Variants in CBFB observed in about 807,000 individuals in gnomAD.
CBFB encodes core-binding factor subunit beta, also known as CBF-beta.
CBFB carries 9 observed loss-of-function variants against 30.4 expected under a neutral mutation model. That is an observed-to-expected ratio of 0.30 (90% CI 0.18 to 0.52). CBFB has a LOEUF of 0.52. CBFB is among the 20% of genes least tolerant of loss of function. The pLI, the probability that CBFB is intolerant of heterozygous loss-of-function variation, is 0.97. For synonymous variants in CBFB, 94 were observed against 84.0 expected, an observed-to-expected ratio of 1.12 and a Z score of -0.65; for missense variants, 170 against 244.0, an observed-to-expected ratio of 0.70 and a Z score of 2.02.
rs761660569 is a variant in CBFB, at chr16:67,036,713, A to G, written c.240A>G (p.Thr80=). The stretch of plus-strand genomic sequence containing the variant: ...GCTGGCAGGGAGAACAGCGACAAAC[A>G]CCTAGCCGAGAGTATGTCGACTTAG... ...PASWQGEQRQ[T]PSREYVDLER... is the part of the protein sequence containing the mutation. The change falls in exon 3 of 6, where the codon ACA becomes ACG. Residue 80 remains threonine, a synonymous_variant. Transcript: ENST00000412916. 1 of 1,613,578 alleles carries G rather than the reference A, an allele frequency of 6.2e-7. No individual in the cohort carries two copies. Among genetic ancestry groups the G allele is most frequent in the Non-Finnish European group, 8.5e-7 (1 of 1,179,482 alleles).
intron 3 of CBFB, among the ~76,000 whole-genome samples, chr16:67,042,427 G>A (rs1370088230): frequency 6.6e-6 from 1 of 152,190 alleles, no homozygotes; most frequent in Non-Finnish European, 1.5e-5. Flanking sequence ...GGAATTACAG[G>A]CATGGGACAC....
intron 3 of CBFB, among the ~76,000 whole-genome samples, chr16:67,047,876 G>A (rs187785407): frequency 1.3e-5 from 2 of 152,108 alleles, no homozygotes; most frequent in Admixed American, 6.6e-5. Flanking sequence ...CAAGACTAGC[G>A]TGGCCAGCAT....
chr16:67,029,654 C>G (rs1009079133), intron 1 of CBFB, 73 bp from the exon 2 acceptor site: 1 of 1,423,588 alleles, frequency 7.0e-7, no homozygotes, highest in African/African-American at 1.5e-5. Context: ...CTTATCGGCG[C>G]TGCGCTGGGA....
rs773011669 is a variant in CBFB, at chr16:67,036,721, G to A, written c.248G>A (p.Arg83Gln). The A allele has an allele frequency of 6.8e-6, 11 of 1,612,342 alleles. No homozygotes were observed. Among genetic ancestry groups the A allele is most frequent in the African/African-American group, 2.7e-5 (2 of 74,886 alleles). The change falls in exon 3 of 6, where the codon CGA becomes CAA. Residue 83 changes from arginine (R) to glutamine (Q), a missense_variant. Coordinates refer to ENST00000412916, the MANE Select transcript of CBFB (RefSeq NM_022845.3). ...WQGEQRQTPSREYVDLEREAG... is the reference protein window; with the variant it reads ...WQGEQRQTPSQEYVDLEREAG... ...GGAGAACAGCGACAAACACCTAGCC[G>A]AGAGTATGTCGACTTAGAAAGAGAA...
At chr16:67,075,196 A>AT (rs1555538289) in intron 4 of CBFB, among the ~76,000 whole-genome samples, 4 of 42,174 alleles carry the variant, frequency 9.5e-5, no homozygotes, top group East Asian at 4.3e-4. Context: ...TCTCAAAAAA[A>AT]ATGTGTGTGT....
At chr16:67,043,556 A>G (rs1966569726) in intron 3 of CBFB, among the ~76,000 whole-genome samples, 1 of 152,218 alleles carries the variant, frequency 6.6e-6, no homozygotes, top group East Asian at 1.9e-4. Flanking sequence ...TGAGCTGTCT[A>G]CATTGGCTCT....
intron 3 of CBFB, among the ~76,000 whole-genome samples, chr16:67,047,831 G>A (rs1966655274): frequency 6.6e-6 from 1 of 152,120 alleles, no homozygotes; most frequent in Non-Finnish European, 1.5e-5. Flanking sequence ...TGCTCTGGAA[G>A]GCCAGGGCGG....
At chr16:67,047,147 TAA>T (rs765428177) in intron 3 of CBFB, among the ~76,000 whole-genome samples, 3 of 134,862 alleles carry the variant, frequency 2.2e-5, no homozygotes, top group Admixed American at 7.5e-5. Context: ...CCGTCTCTAC[TAA>T]AAAAAAAAAA....
intron 3 of CBFB, among the ~76,000 whole-genome samples, chr16:67,063,516 A>G (rs1196427420): frequency 6.6e-6 from 1 of 152,156 alleles, no homozygotes; most frequent in Non-Finnish European, 1.5e-5. Context: ...ACCTCAGCTC[A>G]CTGCAACCTC....
rs1047538462 is a variant in CBFB at position 67,099,893 on chromosome 16, T to G, written c.*1115T>G. On this transcript the variant is annotated 3_prime_UTR_variant, in exon 6 of 6. Coordinates refer to ENST00000412916, the MANE Select transcript of CBFB (RefSeq NM_022845.3). ...AAAAACATGCTGGGTGATGAAAGAT[T>G]AGTTTTAGAGAGAAAATGTTCATCT... is the stretch of plus-strand genomic sequence containing the variant. The G allele has an allele frequency of 9.4e-6, 2 of 212,116 alleles. No homozygotes were observed. Among genetic ancestry groups the G allele is most frequent in the Non-Finnish European group, 1.9e-5 (2 of 104,532 alleles). 13.1% of individuals were successfully genotyped at this position (212,116 alleles called of 1,614,324 possible). A position where few individuals can be genotyped will look rare whatever the true frequency, so the allele number is the denominator to read the frequency against.
Position 67,065,139 on chromosome 16 carries a change from TC to T in CBFB, c.283-1541del, listed in dbSNP as rs1363232878. 1.2e-4 allele frequency among the ~76,000 whole-genome samples: 19 copies of T among 152,196 alleles called. 1 individual carries two copies. The highest frequency in any genetic ancestry group is 1.2e-3 in the Admixed American group (19 of 15,270). On this transcript the variant is annotated intron_variant, in intron 3 of 5. Transcript: ENST00000412916. Reference sequence around the variant, plus strand: ...GTCTGAAACTCCTGACTTCAAGTGATCCGCCCAACTTGGCCTCCCAAAGTGC... The same window carrying T: ...GTCTGAAACTCCTGACTTCAAGTGATCGCCCAACTTGGCCTCCCAAAGTGC...
intron 4 of CBFB, among the ~76,000 whole-genome samples, chr16:67,076,122 C>T (rs915648926): frequency 4.6e-5 from 7 of 152,052 alleles, no homozygotes; most frequent in African/African-American, 7.2e-5. Context: ...CCAAGCTGCT[C>T]GGGAGGCTGA....
In CBFB at chr16:67,090,872, G is replaced by A. The variant is rs1174933813; in HGVS notation, c.496-7838G>A. Among the ~76,000 whole-genome samples the A allele has an allele frequency of 2.0e-5, 3 of 152,248 alleles. No homozygotes were observed. The East Asian group carries it at 5.8e-4, about 29-fold the overall frequency. On this transcript the variant is annotated intron_variant, in intron 5 of 5. Transcript: ENST00000412916. ...TAAAAACAGGCAAAAAGTTTTATGTGGTTTTTGTATTTGTATTTTGCATAG... is the reference window on the plus strand; with the variant it reads ...TAAAAACAGGCAAAAAGTTTTATGTAGTTTTTGTATTTGTATTTTGCATAG...
intron 3 of CBFB, among the ~76,000 whole-genome samples, chr16:67,061,151 G>T (rs576858148): frequency 6.6e-6 from 1 of 152,292 alleles, no homozygotes; most frequent in South Asian, 2.1e-4. Context: ...AGCTTGAGAT[G>T]ATTAAAAATT....
At chr16:67,072,837 G>T (rs114634275) in intron 4 of CBFB, among the ~76,000 whole-genome samples, 3,035 of 151,284 alleles carry the variant, frequency 0.02, 99 homozygotes, top group African/African-American at 0.069. Context: ...GTGGTACAAT[G>T]ACAGCTCACT....
intron 3 of CBFB, among the ~76,000 whole-genome samples, chr16:67,037,105 G>A (rs1567604245): frequency 6.6e-6 from 1 of 152,012 alleles, no homozygotes; most frequent in Non-Finnish European, 1.5e-5. Context: ...CACCATGTTG[G>A]CCAGGCTGGT....
At chr16:67,045,209 CT>C (rs1966602276) in intron 3 of CBFB, among the ~76,000 whole-genome samples, 1 of 152,040 alleles carries the variant, frequency 6.6e-6, no homozygotes, top group African/African-American at 2.4e-5. Context: ...AGGAAGTCGA[CT>C]TTCTGAAAAA....
At chr16:67,071,563 GTTGT>G (rs1961222809) in intron 4 of CBFB, among the ~76,000 whole-genome samples, 1 of 152,148 alleles carries the variant, frequency 6.6e-6, no homozygotes, top group Non-Finnish European at 1.5e-5. Context: ...ATAAATTTCT[GTTGT>G]TTAAGCCACT....
In CBFB at chr16:67,072,767, C is replaced by T. The variant is rs533876714; in HGVS notation, c.399+5969C>T. Among the ~76,000 whole-genome samples, 87 of 150,420 alleles carry T rather than the reference C, an allele frequency of 5.8e-4. 1 individual carries two copies. Among genetic ancestry groups the T allele is most frequent in the South Asian group, 2.7e-3 (13 of 4,784 alleles). ...AGGCGTGAGCCACCATGCCCGGCCT[C>T]TTTTTTCTTTTTTTTTTTTTAGCGA... On this transcript the variant is annotated intron_variant, in intron 4 of 5. Coordinates refer to ENST00000412916, the MANE Select transcript of CBFB (RefSeq NM_022845.3).
Sources: gnomAD v4.1 joint callset for allele counts (sites outside exome capture counted in the v4.1 genomes callset) on GRCh38, gnomAD v4.1.1 for gene constraint, MANE v1.5 for transcripts, NCBI Gene and HGNC (gene_info 2026-07-23, HGNC 2026-07-21) for gene names.